The following IFRD1 variants were observed in gnomAD, a reference collection of about 807,000 sequenced individuals.
IFRD1 encodes the protein interferon-related developmental regulator 1.
Under a neutral mutation model 52.9 loss-of-function variants are expected in IFRD1, and 35 were observed. The observed-to-expected ratio is 0.66, with a 90% CI of 0.51 to 0.88. The LOEUF (loss-of-function observed/expected upper bound fraction) is 0.88. IFRD1 is among the 40% of genes least tolerant of loss of function. IFRD1 has a pLI of 0.00. For missense variants in IFRD1, 517 were observed against 550.8 expected (o/e 0.94, Z 0.61); for synonymous variants, 184 against 188.4 (o/e 0.98, Z 0.19).
intron 1 of IFRD1, among the ~76,000 whole-genome samples, chr7:112,443,944 T>A (rs1244901623): frequency 1.3e-5 from 2 of 151,558 alleles, no homozygotes; most frequent in Non-Finnish European, 2.9e-5. Context: ...AAACTAGTTG[T>A]AGAATGTAGA....
chr7:112,423,917 C>G (rs1410866955), intron 1 of IFRD1, among the ~76,000 whole-genome samples: 1 of 152,240 alleles, frequency 6.6e-6, no homozygotes, highest in African/African-American at 2.4e-5. Context: ...GAAGAGGCAT[C>G]TGCCGTACTG....
At position 112,475,500 on chromosome 7, in the gene IFRD1, A is replaced by T. The variant is rs1293116696; in HGVS notation, c.1337A>T (p.Asp446Val). ...AGCAAATGTCGAGATAAGAGAGCAG[A>T]TGTTGGAGAATTCTTCTAGATTTTC... ...ARSKCRDKRA[D>V]VGEFF is the part of the protein sequence containing the mutation. The change falls in exon 12 of 12, where the codon GAT becomes GTT. Residue 446 changes from aspartate to valine, a missense_variant. By Grantham distance (152) the Asp-to-Val change is radical. Coordinates refer to ENST00000403825, the MANE Select transcript of IFRD1 (RefSeq NM_001550.4). 6.2e-7 allele frequency: 1 copy of T among 1,603,974 alleles called. No individual in the cohort carries two copies. The highest frequency in any genetic ancestry group is 1.3e-5 in the African/African-American group (1 of 74,708).
rs1462661129 is a variant in IFRD1, at chr7:112,472,221, A to G, written c.1044A>G (p.Glu348=). The G allele has an allele frequency of 3.1e-6, 5 of 1,613,874 alleles. No homozygotes were observed. Among genetic ancestry groups the G allele is most frequent in the Non-Finnish European group, 4.2e-6 (5 of 1,179,898 alleles). Residue 348 remains glutamate, a splice_region_variant and synonymous_variant, in exon 10 of 12, where the codon GAA becomes GAG. Coordinates refer to ENST00000403825, the MANE Select transcript of IFRD1 (RefSeq NM_001550.4). ...VFRDVLRAVE[E]RDFPTETIKF... ...ATTTTGGTTCTTCCATTGGTTAGGA[A>G]CGGGATTTTCCAACAGAAACCATTA...
intron 9 of IFRD1, among the ~76,000 whole-genome samples, chr7:112,469,745 C>T (rs144829915): frequency 2.6e-4 from 39 of 152,254 alleles, no homozygotes; most frequent in African/African-American, 7.5e-4. Flanking sequence ...ACACAAGTGA[C>T]GTTTCAGCTT....
In IFRD1 at chr7:112,458,805, T is replaced by C. The variant is rs1332083370; in HGVS notation, c.410-56T>C. On this transcript the variant is annotated intron_variant, in intron 4 of 11. Coordinates refer to ENST00000403825, the MANE Select transcript of IFRD1 (RefSeq NM_001550.4). ...GATCAAATTTGGGAAATAACTGTCTTAGTAAGTTAGTCTACTGAAAAGACT... is the reference window on the plus strand; with the variant it reads ...GATCAAATTTGGGAAATAACTGTCTCAGTAAGTTAGTCTACTGAAAAGACT... 19 of 1,510,358 alleles carry C rather than the reference T, an allele frequency of 1.3e-5. No homozygotes were observed. In the Admixed American group the frequency reaches 3.2e-4, roughly 25 times the overall value. 93.6% of individuals were successfully genotyped at this position (1,510,358 alleles called of 1,614,324 possible).
chr7:112,445,345 T>C (rs3109109), intron 1 of IFRD1, among the ~76,000 whole-genome samples: 19,292 of 152,024 alleles, frequency 0.13, 1,280 homozygotes, highest in African/African-American at 0.16. Context: ...GGATTACAGG[T>C]GTGAGTTACC....
intron 9 of IFRD1, among the ~76,000 whole-genome samples, chr7:112,469,517 C>T (rs1463317509): frequency 1.3e-5 from 2 of 151,924 alleles, no homozygotes; most frequent in African/African-American, 4.8e-5. Flanking sequence ...TAAAGTAAGC[C>T]ATTTTCTTTA....
At chr7:112,440,783 C>T (rs939581168) in intron 1 of IFRD1, among the ~76,000 whole-genome samples, 1 of 152,154 alleles carries the variant, frequency 6.6e-6, no homozygotes, top group South Asian at 2.1e-4. Flanking sequence ...TGTAAACTAT[C>T]CTAGTTTGCA....
At chr7:112,464,743 A>G (rs921394058) in intron 8 of IFRD1, among the ~76,000 whole-genome samples, 1 of 152,166 alleles carries the variant, frequency 6.6e-6, no homozygotes, top group African/African-American at 2.4e-5. Context: ...TGCTGGTGCA[A>G]TCCTCACTTG....
At chr7:112,472,380 A>G (rs1329018561) in intron 10 of IFRD1, 33 bp downstream of exon 10, 2 of 1,613,128 alleles carry the variant, frequency 1.2e-6, no homozygotes, top group Non-Finnish European at 1.7e-6. Context: ...ATTTGCTTTT[A>G]AAGTAGGGAG....
intron 1 of IFRD1, among the ~76,000 whole-genome samples, chr7:112,438,464 G>T (rs1424743783): frequency 6.6e-6 from 1 of 152,166 alleles, no homozygotes; most frequent in Non-Finnish European, 1.5e-5. Flanking sequence ...GAGAACAAGG[G>T]TAGGGAAAGA....
chr7:112,464,053 T>A (rs1014733143), intron 8 of IFRD1, among the ~76,000 whole-genome samples: 132 of 129,800 alleles, frequency 1.0e-3, no homozygotes, highest in African/African-American at 3.2e-3. Context: ...TTTTTTTTTT[T>A]AAAATAAGCT....
At chr7:112,462,443 G>A in intron 8 of IFRD1, 65 bp downstream of exon 8, 1 of 1,101,352 alleles carries the variant, frequency 9.1e-7, no homozygotes, top group Non-Finnish European at 1.4e-6. Flanking sequence ...TCATTACCTT[G>A]CAATTGAGAA....
chr7:112,432,459 T>C (rs1172234533), intron 1 of IFRD1, among the ~76,000 whole-genome samples: 1 of 152,180 alleles, frequency 6.6e-6, no homozygotes, highest in Non-Finnish European at 1.5e-5. Context: ...TGAATCTGAT[T>C]CCAAAATTTA....
chr7:112,425,336 CAG>C lies in IFRD1; in HGVS notation c.-182+1905_-182+1906del, dbSNP rs1794404863. The stretch of plus-strand genomic sequence containing the variant: ...TTCCAGAGATTATTGATTTGGGAGT[CAG>C]TGGACTGAATGAGGAAGATCTGCCC... On this transcript the variant is annotated intron_variant, in intron 1 of 12. Coordinates refer to the IFRD1 transcript ENST00000005558. Among the ~76,000 whole-genome samples, 4 of 152,282 alleles carry C rather than the reference CAG, an allele frequency of 2.6e-5. No individual in the cohort carries two copies. The South Asian group carries it at 8.3e-4, about 32-fold the overall frequency.
chr7:112,424,805 T>G (rs576869589), intron 1 of IFRD1, among the ~76,000 whole-genome samples: 6 of 152,228 alleles, frequency 3.9e-5, no homozygotes, highest in Non-Finnish European at 8.8e-5. Context: ...ATGTCCTGTA[T>G]TTTCTGAGGT....
intron 1 of IFRD1, among the ~76,000 whole-genome samples, chr7:112,438,289 AGT>A (rs750446840): frequency 6.6e-6 from 1 of 152,248 alleles, no homozygotes; most frequent in Non-Finnish European, 1.5e-5. Flanking sequence ...GAAAGAAAAT[AGT>A]GAAGCTGGCA....
Position 112,468,049 on chromosome 7 carries a change from A to G in IFRD1, c.975A>G (p.Lys325=). The G allele has an allele frequency of 6.2e-7, 1 of 1,614,084 alleles. No individual in the cohort carries two copies. The highest frequency in any genetic ancestry group is 8.5e-7 in the Non-Finnish European group (1 of 1,179,970). Residue 325 remains lysine, a synonymous_variant, in exon 9 of 12, where the codon AAA becomes AAG. Coordinates refer to ENST00000403825, the MANE Select transcript of IFRD1 (RefSeq NM_001550.4). ...MLRALATDGN[K]HRAKVDKRKQ... is the part of the protein sequence containing the mutation. Reference sequence around the variant, plus strand: ...GGGCCTTGGCAACAGATGGAAATAAACACCGGGCCAAAGTGGACAAGAGAA... The same window carrying G: ...GGGCCTTGGCAACAGATGGAAATAAGCACCGGGCCAAAGTGGACAAGAGAA...
At chr7:112,425,068 T>C (rs1268153334) in intron 1 of IFRD1, among the ~76,000 whole-genome samples, 3 of 152,090 alleles carry the variant, frequency 2.0e-5, no homozygotes, top group Admixed American at 6.5e-5. Flanking sequence ...AGTGTTGACA[T>C]GATTGTAGCT....
Sources: gnomAD v4.1 joint callset for allele counts (sites outside exome capture counted in the v4.1 genomes callset) on GRCh38, gnomAD v4.1.1 for gene constraint, MANE v1.5 for transcripts, NCBI Gene and HGNC (gene_info 2026-07-23, HGNC 2026-07-21) for gene names.